DMGDH: variants seen among roughly 807,000 people sequenced by gnomAD.
DMGDH encodes the protein dimethylglycine dehydrogenase, mitochondrial.
DMGDH carries 76 observed loss-of-function variants against 95.2 expected under a neutral mutation model. The observed-to-expected ratio is 0.80, with a 90% CI of 0.66 to 0.97. The LOEUF (loss-of-function observed/expected upper bound fraction) is 0.97, where lower values mean the gene tolerates loss of function less well. Among genes scored for constraint, DMGDH ranks in the 50% least tolerant of loss-of-function variants. The pLI is 0.00. For missense variants in DMGDH, 987 were observed against 1,055.0 expected, an observed-to-expected ratio of 0.94 and a Z score of 0.89; for synonymous variants, 345 against 377.6, an observed-to-expected ratio of 0.91 and a Z score of 1.00.
chr5:79,000,459 T>G, intron 15 of DMGDH: 1 of 617,972 alleles, frequency 1.6e-6, no homozygotes, highest in Non-Finnish European at 3.2e-6. Flanking sequence ...GACAAACTAC[T>G]GGATCAAAGT....
At chr5:79,067,905 A>C (rs377362167) in intron 1 of DMGDH, among the ~76,000 whole-genome samples, 5 of 152,122 alleles carry the variant, frequency 3.3e-5, no homozygotes, top group African/African-American at 1.2e-4. Flanking sequence ...AATTGAAATA[A>C]CTCAACTTTT....
At chr5:79,038,115 AG>A (rs1470549099) in intron 7 of DMGDH, among the ~76,000 whole-genome samples, 4 of 152,330 alleles carry the variant, frequency 2.6e-5, no homozygotes, top group Admixed American at 2.0e-4. Context: ...ATTTTGAAAA[AG>A]AACAAAGTTG....
At chr5:79,034,929 C>A (rs1300104747) in intron 7 of DMGDH, among the ~76,000 whole-genome samples, 1 of 151,072 alleles carries the variant, frequency 6.6e-6, no homozygotes, top group Non-Finnish European at 1.5e-5. Context: ...TGTTGGCGGG[C>A]GCCTGTAGTC....
chr5:79,039,623 G>T (rs971022712), intron 7 of DMGDH, among the ~76,000 whole-genome samples: 2 of 151,732 alleles, frequency 1.3e-5, no homozygotes, highest in African/African-American at 2.4e-5. Flanking sequence ...CGAGTTAATG[G>T]GTGCAGCACA....
At chr5:78,998,444 A>G (rs1753397613) in intron 15 of DMGDH, 147 bp from the exon 16 acceptor site, 2 of 728,966 alleles carry the variant, frequency 2.7e-6, no homozygotes, top group Non-Finnish European at 4.7e-6. Context: ...CCAGAGACAC[A>G]GGAGGAAAAC....
At chr5:79,040,402 T>C (rs1327525926) in intron 7 of DMGDH, among the ~76,000 whole-genome samples, 1 of 152,210 alleles carries the variant, frequency 6.6e-6, no homozygotes, top group African/African-American at 2.4e-5. Flanking sequence ...CAACTGGCTA[T>C]ACATATGAAA....
At chr5:79,011,740 G>A (rs1753651070) in intron 14 of DMGDH, among the ~76,000 whole-genome samples, 1 of 152,110 alleles carries the variant, frequency 6.6e-6, no homozygotes, top group Non-Finnish European at 1.5e-5. Flanking sequence ...GCAAGAGATA[G>A]AGTGCAGAAA....
chr5:79,030,513 G>A, intron 10 of DMGDH: 1 of 301,498 alleles, frequency 3.3e-6, no homozygotes, highest in Non-Finnish European at 6.3e-6. Context: ...GGGCATGGTG[G>A]CACATGCCTG....
intron 14 of DMGDH, among the ~76,000 whole-genome samples, chr5:79,010,260 G>A (rs1040013374): frequency 6.6e-6 from 1 of 152,062 alleles, no homozygotes; most frequent in Non-Finnish European, 1.5e-5. Context: ...TATATTTTTG[G>A]TTGTGATTCT....
chr5:79,043,413 G>A (rs933851933), intron 6 of DMGDH, among the ~76,000 whole-genome samples: 2 of 152,202 alleles, frequency 1.3e-5, no homozygotes, highest in African/African-American at 4.8e-5. Context: ...AGGCCCAAAT[G>A]TGCAGAGCCC....
At chr5:79,048,863 GA>G (rs1482577282) in intron 5 of DMGDH, among the ~76,000 whole-genome samples, 3 of 149,604 alleles carry the variant, frequency 2.0e-5, no homozygotes, top group Admixed American at 2.0e-4. Context: ...CGATGGAAGA[GA>G]AAAAGAAAAA....
intron 5 of DMGDH, 96 bp from the exon 6 acceptor site, chr5:79,044,648 G>C: frequency 2.2e-6 from 3 of 1,393,214 alleles, no homozygotes; most frequent in East Asian, 2.4e-5. Context: ...TGTTTAGAAG[G>C]CTTAAGTACT....
At chr5:79,005,108 C>G (rs1467932690) in intron 15 of DMGDH, among the ~76,000 whole-genome samples, 165 bp downstream of exon 15, 1 of 152,178 alleles carries the variant, frequency 6.6e-6, no homozygotes, top group Non-Finnish European at 1.5e-5. Flanking sequence ...ATTTTCCTTT[C>G]AGTCAATTGC....
At chr5:78,999,860 C>A (rs1482733082) in intron 15 of DMGDH, among the ~76,000 whole-genome samples, 1 of 149,356 alleles carries the variant, frequency 6.7e-6, no homozygotes, top group African/African-American at 2.5e-5. Context: ...GAATTTTAAT[C>A]ATTGCTTTTT....
In DMGDH at chr5:78,998,208, C is replaced by T; in HGVS notation, c.2475G>A (p.Val825=). 1 of 1,614,184 alleles carries T rather than the reference C, an allele frequency of 6.2e-7. No homozygotes were observed. Among genetic ancestry groups the T allele is most frequent in the Non-Finnish European group, 8.5e-7 (1 of 1,180,034 alleles). The change falls in exon 16 of 16, where the codon GTG becomes GTA. Residue 825 remains valine, a synonymous_variant. Coordinates refer to ENST00000255189, the MANE Select transcript of DMGDH (RefSeq NM_013391.3). ...ATAGTTCAACTTCCACTTGCTGTCC[C>T]ACTTCACTTAGTTGTACAGGGACAT... ...FAYVPVQLSE[V]GQQVEVELLG... is the part of the protein sequence containing the mutation.
intron 5 of DMGDH, 108 bp downstream of exon 5, chr5:79,051,179 A>G: frequency 8.3e-7 from 1 of 1,200,564 alleles, no homozygotes; most frequent in African/African-American, 1.5e-5. Flanking sequence ...TTAACTTGGG[A>G]GCATCACAGT....
intron 7 of DMGDH, among the ~76,000 whole-genome samples, chr5:79,034,304 C>T (rs999035192): frequency 6.6e-6 from 1 of 152,192 alleles, no homozygotes; most frequent in Non-Finnish European, 1.5e-5. Context: ...TAGAAAGGAA[C>T]ACTGTCTCTT....
chr5:79,028,937 A>G (rs2112623683), intron 11 of DMGDH, among the ~76,000 whole-genome samples: 1 of 152,356 alleles, frequency 6.6e-6, no homozygotes, highest in South Asian at 2.1e-4. Context: ...TTAAATAGTG[A>G]CACAGCCCTT....
chr5:79,061,312 G>A (rs1580232124), intron 2 of DMGDH, among the ~76,000 whole-genome samples: 1 of 151,590 alleles, frequency 6.6e-6, no homozygotes, highest in South Asian at 2.1e-4. Flanking sequence ...CTCAGAGGGA[G>A]GCATCTTTGA....
Sources: allele counts gnomAD v4.1 joint callset (sites outside exome capture counted in the v4.1 genomes callset), GRCh38; gene constraint gnomAD v4.1.1; transcripts MANE v1.5; gene names NCBI Gene and HGNC (gene_info 2026-07-23, HGNC 2026-07-21).